The following MFHAS1 variants were observed in gnomAD, a reference collection of about 807,000 sequenced individuals.
The protein encoded by MFHAS1 is malignant fibrous histiocytoma-amplified sequence 1.
A neutral mutation model predicts 70.4 loss-of-function variants in MFHAS1; 50 were observed. The ratio of observed to expected loss-of-function variants is 0.71; its 90% CI spans 0.57 to 0.90. The LOEUF is 0.90. Ranked by LOEUF, MFHAS1 falls within the 40% of genes least tolerant of loss-of-function variation. The pLI, the probability that MFHAS1 is intolerant of heterozygous loss-of-function variation, is 0.00. For synonymous variants in MFHAS1, 952 were observed against 620.0 expected (o/e 1.54, Z -7.96); for missense variants, 1,795 against 1,347.6 (o/e 1.33, Z -5.20).
At chr8:8,849,146 T>C (rs1808148061) in intron 1 of MFHAS1, among the ~76,000 whole-genome samples, 1 of 132,510 alleles carries the variant, frequency 7.5e-6, no homozygotes, top group African/African-American at 2.7e-5. Context: ...AATGGCACGA[T>C]CTCAGCTCAC....
chr8:8,862,229 G>A (rs892984777), intron 1 of MFHAS1, among the ~76,000 whole-genome samples: 1 of 152,064 alleles, frequency 6.6e-6, no homozygotes, highest in Non-Finnish European at 1.5e-5. Context: ...CCACTCTAGG[G>A]AACATGCACT....
intron 1 of MFHAS1, among the ~76,000 whole-genome samples, chr8:8,825,324 C>T (rs1277052978): frequency 6.6e-6 from 1 of 152,186 alleles, no homozygotes; most frequent in South Asian, 2.1e-4. Context: ...AGGTGTGCGT[C>T]ACCACACTCA....
chr8:8,830,948 T>C (rs1261286798), intron 1 of MFHAS1, among the ~76,000 whole-genome samples: 4 of 152,202 alleles, frequency 2.6e-5, no homozygotes, highest in African/African-American at 7.2e-5. Context: ...CTCTTTGTCT[T>C]AGTCTGCTCA....
At chr8:8,890,012 A>C (rs1353476802) in intron 1 of MFHAS1, 49 bp downstream of exon 1, 1 of 1,431,316 alleles carries the variant, frequency 7.0e-7, no homozygotes, top group Non-Finnish European at 9.5e-7. Flanking sequence ...ATCTCCAAAA[A>C]CATATCTTAC....
chr8:8,860,110 C>G (rs1808604793), intron 1 of MFHAS1: 1 of 152,230 alleles, frequency 6.6e-6, no homozygotes, highest in African/African-American at 2.4e-5. Flanking sequence ...TGCCTGCTCC[C>G]TCTCAGGGCT....
chr8:8,852,095 G>T (rs991818070), intron 1 of MFHAS1, among the ~76,000 whole-genome samples: 1 of 152,094 alleles, frequency 6.6e-6, no homozygotes, highest in South Asian at 2.1e-4. Context: ...CATGGGAGTC[G>T]CACCCTTAGC....
At chr8:8,797,994 C>G (rs1412507800) in intron 1 of MFHAS1, among the ~76,000 whole-genome samples, 1 of 152,234 alleles carries the variant, frequency 6.6e-6, no homozygotes, top group South Asian at 2.1e-4. Context: ...AGCCTAAGAT[C>G]AGCCCAGCCT....
At chr8:8,855,626 CG>C (rs1808409262) in intron 1 of MFHAS1, among the ~76,000 whole-genome samples, 2 of 152,220 alleles carry the variant, frequency 1.3e-5, no homozygotes, top group South Asian at 4.2e-4. Context: ...TAGGCCGAGG[CG>C]GGTGGATTAC....
intron 2 of MFHAS1, among the ~76,000 whole-genome samples, chr8:8,786,342 ATTTT>A (rs1805541407): frequency 6.6e-6 from 1 of 152,158 alleles, no homozygotes. Context: ...TTCCACTGTA[ATTTT>A]ATAGCTTAAC....
chr8:8,851,983 G>A (rs139776801), intron 1 of MFHAS1, among the ~76,000 whole-genome samples: 1 of 152,310 alleles, frequency 6.6e-6, no homozygotes, highest in Admixed American at 6.5e-5. Flanking sequence ...AATAAGGACA[G>A]AGCGCTCCCT....
chr8:8,809,063 T>C (rs567409237), intron 1 of MFHAS1, among the ~76,000 whole-genome samples: 10 of 152,220 alleles, frequency 6.6e-5, no homozygotes, highest in African/African-American at 2.2e-4. Flanking sequence ...TACTGTGAAC[T>C]TGTATGTGAG....
rs774610053 is a variant in MFHAS1, at chr8:8,892,948, G to A, written c.111C>T (p.Ala37=). 6 of 1,547,538 alleles carry A rather than the reference G, an allele frequency of 3.9e-6. No homozygotes were observed. In the African/African-American group the frequency reaches 4.2e-5, roughly 11 times the overall value. Residue 37 remains alanine, a synonymous_variant, in exon 1 of 3, where the codon GCC becomes GCT. Coordinates refer to ENST00000276282, the MANE Select transcript of MFHAS1 (RefSeq NM_004225.3). This position sits in a 1 kb window ranked among gnomAD's most constrained non-coding sequence, Gnocchi z 4.7. ...CGGCCCCGGCCCCGGGGCAGGCCCC[G>A]GCGGCGGTAAGCGTGAGCTGGCGCA... ...SNLRQLTLTA[A]GACPGAGADA...
At chr8:8,870,212 G>A (rs764881691) in intron 1 of MFHAS1, among the ~76,000 whole-genome samples, 7 of 151,660 alleles carry the variant, frequency 4.6e-5, no homozygotes, top group Middle Eastern at 3.4e-3. Flanking sequence ...CCAGCACTTC[G>A]GGAGGACAAG....
At chr8:8,832,198 A>C (rs1232533448) in intron 1 of MFHAS1, among the ~76,000 whole-genome samples, 1 of 152,070 alleles carries the variant, frequency 6.6e-6, no homozygotes, top group African/African-American at 2.4e-5. Context: ...GAAAGAAAAA[A>C]AAAAGTACTA....
intron 2 of MFHAS1, among the ~76,000 whole-genome samples, chr8:8,795,012 A>C (rs1318196114): frequency 1.3e-5 from 2 of 152,260 alleles, no homozygotes; most frequent in Non-Finnish European, 2.9e-5. Context: ...TTTCTAGCGC[A>C]AATGGATATT....
Position 8,785,964 on chromosome 8 carries a change from G to C in MFHAS1, c.*58C>G. 1 of 1,559,114 alleles carries C rather than the reference G, an allele frequency of 6.4e-7. No homozygotes were observed. Among genetic ancestry groups the C allele is most frequent in the Non-Finnish European group, 8.8e-7 (1 of 1,135,690 alleles). On this transcript the variant is annotated 3_prime_UTR_variant, in exon 3 of 3. Transcript: ENST00000276282. ...TGCAGAGGGTCTGCCAGGTGCAAAA[G>C]ATGGTCCAGGTGTTCAGATGCTCTC...
intron 1 of MFHAS1, among the ~76,000 whole-genome samples, chr8:8,822,822 G>C (rs994488751): frequency 1.3e-5 from 2 of 151,090 alleles, no homozygotes; most frequent in Admixed American, 6.6e-5. Flanking sequence ...GACCAAGTCA[G>C]GGGGACTGAC....
At chr8:8,788,875 C>G (rs1000298847) in intron 2 of MFHAS1, among the ~76,000 whole-genome samples, 5 of 152,128 alleles carry the variant, frequency 3.3e-5, no homozygotes, top group African/African-American at 4.8e-5. Flanking sequence ...CACGGCTGAC[C>G]TCCCATGGTA....
chr8:8,838,446 T>C (rs1471213674), intron 1 of MFHAS1, among the ~76,000 whole-genome samples: 1 of 152,220 alleles, frequency 6.6e-6, no homozygotes, highest in African/African-American at 2.4e-5. Flanking sequence ...TGTTTTCATA[T>C]TGAAAGATGA....
Sources: gnomAD v4.1 joint callset for allele counts (sites outside exome capture counted in the v4.1 genomes callset) on GRCh38, gnomAD v4.1.1 for gene constraint, Gnocchi (gnomAD v3.1) non-coding constraint, MANE v1.5 for transcripts, NCBI Gene and HGNC (gene_info 2026-07-23, HGNC 2026-07-21) for gene names.